The following MAP4K3 variants were observed in gnomAD, a reference collection of about 807,000 sequenced individuals.
The protein encoded by MAP4K3 is MAPK/ERK kinase kinase kinase 3.
MAP4K3 carries 94 observed loss-of-function variants against 143.5 expected under a neutral mutation model. The observed-to-expected ratio is 0.65, with a 90% CI of 0.55 to 0.78. The LOEUF is 0.78. Among genes scored for constraint, MAP4K3 ranks in the 30% least tolerant of loss-of-function variants. The probability of loss-of-function intolerance (pLI) is 0.00; values close to 1 mark genes in which losing one functional copy is unlikely to be tolerated. For synonymous variants in MAP4K3, 416 were observed against 347.2 expected, an observed-to-expected ratio of 1.20 and a Z score of -2.20; for missense variants, 1,077 against 1,068.1, an observed-to-expected ratio of 1.01 and a Z score of -0.12.
At chr2:39,315,430 C>T in intron 12 of MAP4K3, 42 bp from the exon 13 acceptor site, 3 of 1,351,692 alleles carry the variant, frequency 2.2e-6, no homozygotes, top group Non-Finnish European at 3.2e-6. Context: ...ATTTGATAAT[C>T]AAGTCATAGT....
intron 16 of MAP4K3, among the ~76,000 whole-genome samples, chr2:39,298,160 A>G (rs1444715223): frequency 6.6e-6 from 1 of 152,204 alleles, no homozygotes; most frequent in African/African-American, 2.4e-5. Context: ...TAGAGAAAAT[A>G]ACATAAAAAC....
chr2:39,279,559 G>C (rs565819344), intron 23 of MAP4K3, among the ~76,000 whole-genome samples: 3 of 152,286 alleles, frequency 2.0e-5, no homozygotes, highest in East Asian at 3.9e-4. Flanking sequence ...AAGGACAACT[G>C]TTGTGATTAT....
chr2:39,381,998 G>A (rs1558678127), intron 1 of MAP4K3, among the ~76,000 whole-genome samples: 3 of 152,204 alleles, frequency 2.0e-5, no homozygotes, highest in African/African-American at 7.2e-5. Context: ...GTGGACTGGT[G>A]AGGAAAATCC....
intron 26 of MAP4K3, among the ~76,000 whole-genome samples, chr2:39,269,713 CG>C (rs1680932940): frequency 6.6e-6 from 1 of 151,982 alleles, no homozygotes; most frequent in Non-Finnish European, 1.5e-5. Context: ...TGAATCAAAA[CG>C]TTTTTCACAC....
chr2:39,347,917 T>C (rs1246746144), intron 3 of MAP4K3, among the ~76,000 whole-genome samples: 1 of 152,060 alleles, frequency 6.6e-6, no homozygotes, highest in Non-Finnish European at 1.5e-5. Context: ...CTGTATTTTC[T>C]GGAAACCAAC....
chr2:39,261,719 T>G (rs183489357), intron 28 of MAP4K3, among the ~76,000 whole-genome samples: 2 of 152,146 alleles, frequency 1.3e-5, no homozygotes, highest in East Asian at 3.8e-4. Context: ...TAAAAAATTA[T>G]ATATAGACAA....
chr2:39,393,539 A>T (rs1299497970), intron 1 of MAP4K3, among the ~76,000 whole-genome samples: 1 of 152,212 alleles, frequency 6.6e-6, no homozygotes, highest in Non-Finnish European at 1.5e-5. Context: ...TTAATTTTTT[A>T]AAATATTTTT....
At chr2:39,360,480 C>A (rs1428604402) in intron 2 of MAP4K3, among the ~76,000 whole-genome samples, 4 of 152,190 alleles carry the variant, frequency 2.6e-5, no homozygotes, top group Non-Finnish European at 5.9e-5. Flanking sequence ...ACTGTTCCAA[C>A]CTCTGCCTGT....
chr2:39,256,968 C>G (rs1680365175), intron 31 of MAP4K3, among the ~76,000 whole-genome samples: 1 of 152,106 alleles, frequency 6.6e-6, no homozygotes, highest in Non-Finnish European at 1.5e-5. Flanking sequence ...GCTTTTTGAC[C>G]CTGGCTATGT....
intron 1 of MAP4K3, among the ~76,000 whole-genome samples, chr2:39,412,975 A>T (rs2148619294): frequency 6.6e-6 from 1 of 152,290 alleles, no homozygotes; most frequent in South Asian, 2.1e-4. Flanking sequence ...ATTTTTAAAG[A>T]TTTCTTGTAT....
intron 15 of MAP4K3, among the ~76,000 whole-genome samples, chr2:39,302,903 T>C (rs1021089116): frequency 1.3e-5 from 2 of 152,224 alleles, no homozygotes; most frequent in Non-Finnish European, 2.9e-5. Flanking sequence ...TTTTAGCGAA[T>C]GGGAGACTAT....
intron 26 of MAP4K3, among the ~76,000 whole-genome samples, chr2:39,268,328 A>G (rs929100082): frequency 6.6e-6 from 1 of 152,064 alleles, no homozygotes; most frequent in Non-Finnish European, 1.5e-5. Context: ...ATTAAATTTT[A>G]TTTTATTTTT....
chr2:39,422,950 T>C (rs1664923762), intron 1 of MAP4K3, among the ~76,000 whole-genome samples: 1 of 152,060 alleles, frequency 6.6e-6, no homozygotes, highest in Non-Finnish European at 1.5e-5. Flanking sequence ...AATTAAAAAC[T>C]TCTGCTCTGC....
chr2:39,431,232 C>T (rs1223817118), intron 1 of MAP4K3, among the ~76,000 whole-genome samples: 1 of 152,116 alleles, frequency 6.6e-6, no homozygotes, highest in Non-Finnish European at 1.5e-5. Context: ...TCTATGAGTG[C>T]TGAGAGTTGC....
At chr2:39,305,525 C>A (rs1682670941) in intron 15 of MAP4K3, among the ~76,000 whole-genome samples, 1 of 152,144 alleles carries the variant, frequency 6.6e-6, no homozygotes, top group Admixed American at 6.5e-5. Context: ...TATATAAAAA[C>A]CTCTAGATAA....
At chr2:39,349,613 C>A (rs73923852) in intron 3 of MAP4K3, among the ~76,000 whole-genome samples, 1 of 151,384 alleles carries the variant, frequency 6.6e-6, no homozygotes, top group African/African-American at 2.4e-5. Flanking sequence ...AGTGAGAAGG[C>A]GGTTGGAGAG....
intron 3 of MAP4K3, among the ~76,000 whole-genome samples, chr2:39,346,959 T>C (rs1665310378): frequency 6.6e-6 from 1 of 152,030 alleles, no homozygotes; most frequent in Non-Finnish European, 1.5e-5. Context: ...AGTTGAATCC[T>C]TCCTCTAAAA....
chr2:39,256,226 C>A (rs1243928952), intron 31 of MAP4K3, among the ~76,000 whole-genome samples: 1 of 152,170 alleles, frequency 6.6e-6, no homozygotes, highest in African/African-American at 2.4e-5. Flanking sequence ...ATTCTATGTA[C>A]ATAATCATAC....
intron 1 of MAP4K3, among the ~76,000 whole-genome samples, chr2:39,406,550 T>C (rs1052320802): frequency 6.6e-6 from 1 of 152,162 alleles, no homozygotes; most frequent in Admixed American, 6.5e-5. Flanking sequence ...GTGGGAGCCT[T>C]ACAGGCCAGG....
Sources: allele counts gnomAD v4.1 joint callset (sites outside exome capture counted in the v4.1 genomes callset), GRCh38; gene constraint gnomAD v4.1.1; transcripts MANE v1.5; gene names NCBI Gene and HGNC (gene_info 2026-07-23, HGNC 2026-07-21).